The following MGAM variants were observed in gnomAD, a reference collection of about 807,000 sequenced individuals.
MGAM encodes the protein alpha-1,4-glucosidase.
Under a neutral mutation model 358.8 loss-of-function variants are expected in MGAM, and 253 were observed. That is an observed-to-expected ratio of 0.71 (90% CI 0.64 to 0.78). The LOEUF (loss-of-function observed/expected upper bound fraction) is 0.78, where lower values mean the gene tolerates loss of function less well. MGAM is among the 30% of genes least tolerant of loss of function. The pLI is 0.00. For synonymous variants in MGAM, 1,105 were observed against 1,227.1 expected, an observed-to-expected ratio of 0.90 and a Z score of 2.08; for missense variants, 3,080 against 3,432.6, an observed-to-expected ratio of 0.90 and a Z score of 2.57.
At position 142,022,215 on chromosome 7, in the gene MGAM, G is replaced by C. The variant is rs931934000; in HGVS notation, c.711-53G>C. ...AAAGGACGCTTTTCTAAGCACTTAC[G>C]TTCTCTCCACCCTGCTTGCTCACCC... On this transcript the variant is annotated intron_variant, in intron 6 of 70. Coordinates refer to ENST00000475668, the MANE Select transcript of MGAM (RefSeq NM_001365693.1). 3.3e-6 allele frequency: 5 copies of C among 1,517,966 alleles called. No homozygotes were observed. The African/African-American group carries it at 7.0e-5, about 21-fold the overall frequency. The allele number at this position is 1,517,966 out of a possible 1,614,324, so 94.0% of individuals were successfully genotyped here. A position where few individuals can be genotyped will look rare whatever the true frequency, so the allele number is the denominator to read the frequency against.
Position 142,008,679 on chromosome 7 carries a change from T to C in MGAM, c.301T>C (p.Cys101Arg). Residue 101 changes from cysteine (C) to arginine (R), a missense_variant, in exon 3 of 71, where the codon TGC becomes CGC. By Grantham distance (180) the Cys-to-Arg change is radical. Transcript: ENST00000475668. ...PVVNELERIN[C>R]IPDQPPTKAT... is the part of the protein sequence containing the mutation. ...GGTAAATGAATTGGAACGAATTAAT[T>C]GCATCCCTGACCAGCCGCCAACAAA... is the stretch of plus-strand genomic sequence containing the variant. 1 of 1,613,418 alleles carries C rather than the reference T, an allele frequency of 6.2e-7. No homozygotes were observed. Among genetic ancestry groups the C allele is most frequent in the Non-Finnish European group, 8.5e-7 (1 of 1,179,580 alleles).
chr7:142,076,928 C>T lies in MGAM; in HGVS notation c.5493+102C>T. 2.3e-6 allele frequency: 3 copies of T among 1,283,286 alleles called. 1 individual carries two copies. The highest frequency in any genetic ancestry group is 3.3e-6 in the Non-Finnish European group (3 of 904,898). 79.5% of individuals were successfully genotyped at this position (1,283,286 alleles called of 1,614,324 possible). A position where few individuals can be genotyped will look rare whatever the true frequency, so the allele number is the denominator to read the frequency against. ...ATGGGTCCCTGAAGTACCAGGGCAC[C>T]TTTGATGCATGTTTTGGGGAATTGA... is the stretch of plus-strand genomic sequence containing the variant. On this transcript the variant is annotated intron_variant, in intron 47 of 70. Transcript: ENST00000475668.
At chr7:142,033,774 C>G (rs543922491) in intron 14 of MGAM, among the ~76,000 whole-genome samples, 1 of 152,194 alleles carries the variant, frequency 6.6e-6, no homozygotes, top group Non-Finnish European at 1.5e-5. Flanking sequence ...GACGAAGCTA[C>G]TGCAATAGTT....
chr7:142,045,686 T>G (rs1810208626), intron 21 of MGAM, among the ~76,000 whole-genome samples: 1 of 105,116 alleles, frequency 9.5e-6, no homozygotes, highest in Non-Finnish European at 1.8e-5. Flanking sequence ...ATATATATTA[T>G]ATACATACAA....
At chr7:142,003,349 C>T (rs544996738) in intron 1 of MGAM, among the ~76,000 whole-genome samples, 1 of 151,974 alleles carries the variant, frequency 6.6e-6, no homozygotes, top group South Asian at 2.1e-4. Flanking sequence ...GCAAACAGCA[C>T]AGTACTGGTA....
chr7:142,053,591 G>T (rs1397732509), intron 26 of MGAM, among the ~76,000 whole-genome samples: 1 of 152,154 alleles, frequency 6.6e-6, no homozygotes, highest in Non-Finnish European at 1.5e-5. Flanking sequence ...TTAAGGACTA[G>T]GGATGGACTA....
Position 142,050,756 on chromosome 7 carries a change from T to G in MGAM, c.2697T>G (p.Phe899Leu). The G allele has an allele frequency of 6.2e-7, 1 of 1,613,800 alleles. No homozygotes were observed. The highest frequency in any genetic ancestry group is 1.3e-5 in the African/African-American group (1 of 75,034). The change falls in exon 24 of 71, where the codon TTT (phenylalanine) becomes TTG (leucine). Residue 899 changes from phenylalanine (F) to leucine (L), a missense_variant. Transcript: ENST00000475668. ...STYKDPNNLAFNEIKILGTEE... is the reference protein window; with the variant it reads ...STYKDPNNLALNEIKILGTEE... ...ACAAGGACCCCAATAATTTAGCATTTAATGAGATTAAAATTCTTGGGACGG... is the reference window on the plus strand; with the variant it reads ...ACAAGGACCCCAATAATTTAGCATTGAATGAGATTAAAATTCTTGGGACGG...
intron 3 of MGAM, among the ~76,000 whole-genome samples, chr7:142,009,901 G>A (rs1384055132): frequency 6.6e-6 from 1 of 152,136 alleles, no homozygotes; most frequent in Non-Finnish European, 1.5e-5. Flanking sequence ...TCACATTAAA[G>A]GGAATGTAGC....
rs527865285 is a variant in MGAM, at chr7:142,026,569, A to G, written c.983-546A>G. Among the ~76,000 whole-genome samples the G allele has an allele frequency of 1.3e-3, 199 of 152,288 alleles. 2 individuals carry two copies. The highest frequency in any genetic ancestry group is 4.7e-3 in the African/African-American group (197 of 41,582). On this transcript the variant is annotated intron_variant, in intron 8 of 70. Transcript: ENST00000475668. ...GGGGAAAGACACTTAGGAGAGAACA[A>G]ATGACATTTTGGAAAGATAAATGGG...
At chr7:142,070,809 T>C (rs1585055285) in intron 43 of MGAM, among the ~76,000 whole-genome samples, 185 bp from the exon 44 acceptor site, 3 of 146,328 alleles carry the variant, frequency 2.1e-5, no homozygotes, top group Non-Finnish European at 3.1e-5. Flanking sequence ...TAACAAGATA[T>C]TATAGCAGCC....
At chr7:142,103,124 A>G (rs1816577312) in intron 69 of MGAM, 145 bp from the exon 70 acceptor site, 1 of 741,722 alleles carries the variant, frequency 1.3e-6, no homozygotes, top group African/African-American at 1.8e-5. Flanking sequence ...TAGAGTGATG[A>G]AATCATGATT....
At position 142,099,666 on chromosome 7, in the gene MGAM, C is replaced by G. The variant is rs1816275140; in HGVS notation, c.7803C>G (p.Asp2601Glu). ...GEWKTLPAPL[D>E]HINLHVRGGY... Reference sequence around the variant, plus strand: ...GGAAGACCTTGCCAGCCCCTCTTGACCACATTAATCTTCATGTCCGTGGGG... The same window carrying G: ...GGAAGACCTTGCCAGCCCCTCTTGAGCACATTAATCTTCATGTCCGTGGGG... The change falls in exon 67 of 71, where the codon GAC (aspartate) becomes GAG (glutamate). Residue 2601 changes from aspartate to glutamate, a missense_variant. By Grantham distance (45) the Asp-to-Glu change is conservative. Coordinates refer to ENST00000475668, the MANE Select transcript of MGAM (RefSeq NM_001365693.1). 6.2e-7 allele frequency: 1 copy of G among 1,613,828 alleles called. No homozygotes were observed. Among genetic ancestry groups the G allele is most frequent in the South Asian group, 1.1e-5 (1 of 91,086 alleles).
At position 142,071,997 on chromosome 7, in the gene MGAM, A is replaced by T. The variant is rs1426643595; in HGVS notation, c.5186+879A>T. 1.4e-5 allele frequency among the ~76,000 whole-genome samples: 2 copies of T among 145,954 alleles called. 1 individual carries two copies. Among genetic ancestry groups the T allele is most frequent in the East Asian group, 4.0e-4 (2 of 4,968 alleles). ...ACCTCTCTTACTGCTTTAATTTTTC[A>T]AATTCTAGACTTTTTTATGATACTA... is the stretch of plus-strand genomic sequence containing the variant. On this transcript the variant is annotated intron_variant, in intron 44 of 70. Transcript: ENST00000475668.
rs751634383 is a variant in MGAM, at chr7:142,082,532, A to C, written c.6229A>C (p.Ser2077Arg). 1 of 1,532,592 alleles carries C rather than the reference A, an allele frequency of 6.5e-7. No homozygotes were observed. Among genetic ancestry groups the C allele is most frequent in the East Asian group, 2.3e-5 (1 of 42,884 alleles). The allele number at this position is 1,532,592 out of a possible 1,614,324, so 94.9% of individuals were successfully genotyped here. A position where few individuals can be genotyped will look rare whatever the true frequency, so the allele number is the denominator to read the frequency against. Reference sequence around the variant, plus strand: ...CTACATGGGGCTAGAGGAGGATGGCAGTGCCCATGGAGTGCTCCTGCTGAA... The same window carrying C: ...CTACATGGGGCTAGAGGAGGATGGCCGTGCCCATGGAGTGCTCCTGCTGAA... ...PYYMGLEEDG[S>R]AHGVLLLNSN... Residue 2077 changes from serine (S) to arginine (R), a missense_variant, in exon 52 of 71, where the codon AGT (serine) becomes CGT (arginine). Ser to Arg is a moderately radical substitution (Grantham distance 110). Coordinates refer to ENST00000475668, the MANE Select transcript of MGAM (RefSeq NM_001365693.1).
intron 57 of MGAM, among the ~76,000 whole-genome samples, chr7:142,088,354 C>G (rs1170324654): frequency 1.4e-5 from 2 of 146,022 alleles, no homozygotes; most frequent in African/African-American, 2.4e-5. Flanking sequence ...AAGAACGAGT[C>G]AGACTCAGTT....
chr7:142,052,707 T>C, intron 25 of MGAM, 77 bp from the exon 26 acceptor site: 1 of 1,544,208 alleles, frequency 6.5e-7, no homozygotes. Context: ...ATAAAATGAC[T>C]TTACTAACCC....
intron 45 of MGAM, among the ~76,000 whole-genome samples, chr7:142,074,942 T>A (rs1813621468): frequency 6.8e-6 from 1 of 146,230 alleles, no homozygotes; most frequent in South Asian, 2.2e-4. Flanking sequence ...GCAGACTGGA[T>A]CCCCAGAACT....
chr7:142,068,182 A>G (rs1045052018), intron 42 of MGAM, among the ~76,000 whole-genome samples: 2 of 133,264 alleles, frequency 1.5e-5, no homozygotes, highest in African/African-American at 5.1e-5. Flanking sequence ...TATGTTTAGT[A>G]GAGATGGGGT....
At chr7:142,032,972 G>T (rs1807649198) in intron 14 of MGAM, 63 bp downstream of exon 14, 1 of 1,140,754 alleles carries the variant, frequency 8.8e-7, no homozygotes, top group Non-Finnish European at 1.2e-6. Flanking sequence ...AATTCATAAG[G>T]ACAGATCTGA....
Sources: allele counts gnomAD v4.1 joint callset (sites outside exome capture counted in the v4.1 genomes callset), GRCh38; gene constraint gnomAD v4.1.1; transcripts MANE v1.5; gene names NCBI Gene and HGNC (gene_info 2026-07-23, HGNC 2026-07-21).